Variants in ASPRV1 observed in about 807,000 individuals in gnomAD.
The protein encoded by ASPRV1 is retroviral-like aspartic protease 1.
In ASPRV1, 7 loss-of-function variants were observed where a neutral mutation model predicts 11.0. That is an observed-to-expected ratio of 0.64 (90% CI 0.36 to 1.20). The LOEUF is 1.20. ASPRV1 is among the 50% of genes most tolerant of loss of function. ASPRV1 has a pLI of 0.02. For missense variants in ASPRV1, 299 were observed against 320.0 expected (o/e 0.93, Z 0.50); for synonymous variants, 136 against 138.4 (o/e 0.98, Z 0.12).
chr2:69,953,874 ATTTTTTT>A, the ASPRV1 span, among the ~76,000 whole-genome samples: 1 of 141,668 alleles, frequency 7.1e-6, no homozygotes, highest in African/African-American at 2.6e-5. Context: ...TGCCCGGCTA[ATTTTTTT>A]TTTTTTTTTG....
At chr2:70,032,753 A>T in the ASPRV1 span, among the ~76,000 whole-genome samples, 5 of 152,124 alleles carry the variant, frequency 3.3e-5, no homozygotes, top group Non-Finnish European at 7.4e-5. Context: ...CCCTAATGAT[A>T]TATCCTACTC....
chr2:69,963,554 C>T (rs1282531116), upstream of ASPRV1: 17 of 418,852 alleles, frequency 4.1e-5, no homozygotes, highest in South Asian at 2.3e-4. Context: ...AGGAGCGAGG[C>T]AGGTGGCTTG....
At chr2:70,052,935 AGCT>A in the ASPRV1 span, among the ~76,000 whole-genome samples, 2 of 152,124 alleles carry the variant, frequency 1.3e-5, no homozygotes, top group East Asian at 3.8e-4. Context: ...AGGAGGCCAG[AGCT>A]CTACCCTTGG....
chr2:70,084,312 G>A, the ASPRV1 span, among the ~76,000 whole-genome samples: 1 of 152,190 alleles, frequency 6.6e-6, no homozygotes, highest in African/African-American at 2.4e-5. Flanking sequence ...TCCTTTTGTT[G>A]TCACCTGAGT....
the ASPRV1 span, among the ~76,000 whole-genome samples, chr2:69,943,375 G>T: frequency 2.6e-5 from 4 of 152,228 alleles, no homozygotes; most frequent in Admixed American, 2.6e-4. Flanking sequence ...AGCTCCATGA[G>T]AAGTTAGAGG....
At chr2:69,941,882 AC>A in the ASPRV1 span, 2 of 152,124 alleles carry the variant, frequency 1.3e-5, no homozygotes, top group African/African-American at 4.8e-5. Context: ...ACACACACAC[AC>A]ACATATTATT....
At chr2:70,043,443 G>A in the ASPRV1 span, among the ~76,000 whole-genome samples, 1 of 152,060 alleles carries the variant, frequency 6.6e-6, no homozygotes, top group Non-Finnish European at 1.5e-5. Flanking sequence ...AAAGTTGTAT[G>A]TCTTAATCAC....
chr2:70,042,480 A>T, the ASPRV1 span, among the ~76,000 whole-genome samples: 1 of 152,188 alleles, frequency 6.6e-6, no homozygotes, highest in Non-Finnish European at 1.5e-5. Flanking sequence ...TTAGTCCTGG[A>T]CAGGGTTAGG....
chr2:70,067,035 C>A, the ASPRV1 span, among the ~76,000 whole-genome samples: 1 of 152,126 alleles, frequency 6.6e-6, no homozygotes, highest in African/African-American at 2.4e-5. Flanking sequence ...ATTCACATAG[C>A]AATTAGTAGG....
chr2:70,006,331 C>T, the ASPRV1 span, among the ~76,000 whole-genome samples: 2 of 152,156 alleles, frequency 1.3e-5, no homozygotes, highest in Admixed American at 1.3e-4. Context: ...CCTGGAGGTC[C>T]CACAGTGGGG....
the ASPRV1 span, among the ~76,000 whole-genome samples, chr2:70,019,679 C>T: frequency 6.6e-6 from 1 of 152,106 alleles, no homozygotes; most frequent in East Asian, 1.9e-4. Flanking sequence ...ACAAGTACCA[C>T]ATGACCTCAC....
At chr2:70,069,020 G>A in the ASPRV1 span, 2 of 151,304 alleles carry the variant, frequency 1.3e-5, no homozygotes, top group African/African-American at 2.4e-5. Flanking sequence ...CAGCTTTCTG[G>A]TGATTGTACC....
At chr2:70,014,892 T>A in the ASPRV1 span, among the ~76,000 whole-genome samples, 1 of 151,394 alleles carries the variant, frequency 6.6e-6, no homozygotes, top group Non-Finnish European at 1.5e-5. Flanking sequence ...CTGAAAAGGA[T>A]TTACTATCCA....
chr2:69,981,440 A>G, the ASPRV1 span, among the ~76,000 whole-genome samples: 1 of 152,260 alleles, frequency 6.6e-6, no homozygotes, highest in African/African-American at 2.4e-5. Flanking sequence ...CCATATATTA[A>G]GAGTAGTTAC....
chr2:69,972,601 G>A, the ASPRV1 span, among the ~76,000 whole-genome samples: 8 of 151,552 alleles, frequency 5.3e-5, no homozygotes, highest in African/African-American at 1.9e-4. Context: ...CAGGTGATCT[G>A]CCTGCCTCAG....
chr2:70,023,597 C>T, the ASPRV1 span, among the ~76,000 whole-genome samples: 1 of 151,608 alleles, frequency 6.6e-6, no homozygotes, highest in African/African-American at 2.4e-5. Flanking sequence ...CACTTGAACC[C>T]CGGGAGGCAG....
chr2:69,991,029 A>C, the ASPRV1 span, among the ~76,000 whole-genome samples: 1 of 152,166 alleles, frequency 6.6e-6, no homozygotes, highest in East Asian at 1.9e-4. Context: ...CCTGCTGGAC[A>C]TAAAGAACGG....
the ASPRV1 span, among the ~76,000 whole-genome samples, chr2:69,980,812 G>T: frequency 1.3e-5 from 2 of 152,224 alleles, no homozygotes; most frequent in Admixed American, 6.5e-5. Context: ...TTTCGCTCTT[G>T]TTGCCCAGGA....
At chr2:69,981,322 T>A in the ASPRV1 span, among the ~76,000 whole-genome samples, 3 of 152,160 alleles carry the variant, frequency 2.0e-5, no homozygotes, top group South Asian at 2.1e-4. Context: ...AGTATTACAT[T>A]ATAATATTTA....
Sources: allele counts gnomAD v4.1 joint callset (sites outside exome capture counted in the v4.1 genomes callset), GRCh38; gene constraint gnomAD v4.1.1; transcripts MANE v1.5; gene names NCBI Gene and HGNC (gene_info 2026-07-23, HGNC 2026-07-21).